HEATR5B: variants seen among roughly 807,000 people sequenced by gnomAD.
HEATR5B encodes the protein HEAT repeat-containing protein 5B.
In HEATR5B, 156 loss-of-function variants were observed where a neutral mutation model predicts 224.1. That is an observed-to-expected ratio of 0.70 (90% confidence interval 0.61 to 0.80). The LOEUF (loss-of-function observed/expected upper bound fraction) is 0.80. Ranked by LOEUF, HEATR5B falls within the 30% of genes least tolerant of loss-of-function variation. The pLI is 0.00. For synonymous variants in HEATR5B, 1,027 were observed against 893.0 expected (o/e 1.15, Z -2.68); for missense variants, 2,323 against 2,535.5 (o/e 0.92, Z 1.80).
At chr2:36,997,858 G>A (rs540036774) in intron 33 of HEATR5B, among the ~76,000 whole-genome samples, 16 of 151,750 alleles carry the variant, frequency 1.1e-4, no homozygotes, top group South Asian at 6.3e-4. Context: ...GAGCCACCAC[G>A]CCGACCAGTC....
chr2:37,005,674 C>T lies in HEATR5B; in HGVS notation c.4863G>A (p.Leu1621=), dbSNP rs1422710812. The part of the protein sequence containing the change: ...VTACLQALHT[L]LDSPYARVHI... ...GGACTCGAGCATAAGGGGAGTCTAG[C>T]AAGGTATGTAAGGCCTGCAGGCATG... The change falls in exon 30 of 36, where the codon TTG becomes TTA. Residue 1621 remains leucine, a synonymous_variant. Transcript: ENST00000233099. The T allele has an allele frequency of 1.2e-6, 2 of 1,613,472 alleles. No homozygotes were observed. Among genetic ancestry groups the T allele is most frequent in the South Asian group, 2.2e-5 (2 of 91,074 alleles).
At chr2:37,040,861 G>A (rs1299752407) in intron 19 of HEATR5B, among the ~76,000 whole-genome samples, 4 of 150,112 alleles carry the variant, frequency 2.7e-5, no homozygotes, top group Admixed American at 6.6e-5. Flanking sequence ...CAAATCTAAA[G>A]AAATAAAAAA....
At chr2:37,041,742 C>G (rs2148500983) in intron 18 of HEATR5B, among the ~76,000 whole-genome samples, 1 of 148,718 alleles carries the variant, frequency 6.7e-6, no homozygotes, top group South Asian at 2.2e-4. Context: ...AGGACCCTGT[C>G]TCAATAATAA....
chr2:37,036,216 G>A (rs1315335781), intron 21 of HEATR5B, among the ~76,000 whole-genome samples: 1 of 152,104 alleles, frequency 6.6e-6, no homozygotes, highest in Non-Finnish European at 1.5e-5. Flanking sequence ...ACCTTCTAAT[G>A]GTTTCCCACT....
intron 35 of HEATR5B, among the ~76,000 whole-genome samples, chr2:36,986,513 T>A (rs1375286604): frequency 6.6e-6 from 1 of 152,210 alleles, no homozygotes; most frequent in Non-Finnish European, 1.5e-5. Flanking sequence ...ACTTTTCCAA[T>A]TTTCTGTGAA....
At position 37,043,933 on chromosome 2, in the gene HEATR5B, A is replaced by G. The variant is rs530952303; in HGVS notation, c.2697-2641T>C. Reference sequence around the variant, plus strand: ...GTGAAATTATTTTTTTTAAATAGAAATGAAGGTTTTAGAGTCCAGGCTGGT... The same window carrying G: ...GTGAAATTATTTTTTTTAAATAGAAGTGAAGGTTTTAGAGTCCAGGCTGGT... On this transcript the variant is annotated intron_variant, in intron 18 of 35. Transcript: ENST00000233099. 1.2e-4 allele frequency among the ~76,000 whole-genome samples: 19 copies of G among 152,342 alleles called. No homozygotes were observed. The East Asian group carries it at 3.3e-3, about 26-fold the overall frequency.
chr2:37,061,820 C>A, intron 11 of HEATR5B, 119 bp downstream of exon 11: 1 of 607,836 alleles, frequency 1.6e-6, no homozygotes, highest in Non-Finnish European at 2.9e-6. Flanking sequence ...ATCTTTACAC[C>A]ATTTTTACAA....
chr2:37,009,427 G>T (rs936808508), intron 27 of HEATR5B, among the ~76,000 whole-genome samples: 23 of 150,586 alleles, frequency 1.5e-4, no homozygotes, highest in Admixed American at 8.6e-4. Context: ...TAACAAAAAT[G>T]CTAGCCAGGC....
chr2:37,008,690 A>G lies in HEATR5B; in HGVS notation c.4443T>C (p.Ser1481=). The G allele has an allele frequency of 6.2e-7, 1 of 1,614,146 alleles. No homozygotes were observed. The highest frequency in any genetic ancestry group is 8.5e-7 in the Non-Finnish European group (1 of 1,180,034). The change falls in exon 28 of 36, where the codon AGT becomes AGC. Residue 1481 remains serine (S), a synonymous_variant. Transcript: ENST00000233099. ...CTTTTAATGCTGCTAACCACAGGCG[A>G]CTGAGTGTTGGTAGTTCAGGTTGTA... The part of the protein sequence containing the change: ...TLVQPELPTL[S]RLWLAALKDY...
chr2:36,990,708 C>A lies in HEATR5B; in HGVS notation c.5637G>T (p.Gln1879His). The part of the protein sequence containing the change: ...WSASNEIIGV[Q>H]SLQNGCMNRF... The stretch of plus-strand genomic sequence containing the variant: ...TGTTCATGCAGCCATTCTGTAATGA[C>A]TGGACTCCTATTATTTCATTACTAG... Residue 1879 changes from glutamine to histidine, a missense_variant, in exon 34 of 36, where the codon CAG (glutamine) becomes CAT (histidine). Transcript: ENST00000233099. 6.2e-7 allele frequency: 1 copy of A among 1,611,760 alleles called. No homozygotes were observed. Among genetic ancestry groups the A allele is most frequent in the Non-Finnish European group, 8.5e-7 (1 of 1,178,862 alleles).
intron 21 of HEATR5B, among the ~76,000 whole-genome samples, chr2:37,034,462 A>C (rs1265066514): frequency 2.1e-4 from 30 of 143,960 alleles, no homozygotes; most frequent in Non-Finnish European, 4.6e-5. Flanking sequence ...AAATACAAAA[A>C]ATTAGCCGGG....
At chr2:37,034,923 T>C (rs548736497) in intron 21 of HEATR5B, among the ~76,000 whole-genome samples, 5 of 152,190 alleles carry the variant, frequency 3.3e-5, no homozygotes, top group Non-Finnish European at 5.9e-5. Flanking sequence ...AAATACTCCA[T>C]AACTAATTAC....
intron 21 of HEATR5B, among the ~76,000 whole-genome samples, chr2:37,034,840 G>T (rs138823182): frequency 2.8e-3 from 429 of 152,038 alleles, no homozygotes; most frequent in Non-Finnish European, 4.5e-3. Flanking sequence ...TTACAGGTGT[G>T]AGCCACCGCA....
rs1671112027 is a variant in HEATR5B at position 37,059,395 on chromosome 2, T to A, written c.1850-408A>T. 2.2e-5 allele frequency among the ~76,000 whole-genome samples: 3 copies of A among 139,356 alleles called. No individual in the cohort carries two copies. In the South Asian group the frequency reaches 7.3e-4, roughly 34 times the overall value. The allele number at this position is 139,356 out of a possible 152,430, so 91.4% of individuals were successfully genotyped here. On this transcript the variant is annotated intron_variant, in intron 12 of 35. Transcript: ENST00000233099. ...AATATATTTTTGCAACTTTTACAGA[T>A]ATATATGTATATGTGTGTGTGTGTG...
chr2:37,056,720 C>T, intron 15 of HEATR5B, 105 bp from the exon 16 acceptor site: 2 of 913,498 alleles, frequency 2.2e-6, no homozygotes, highest in Non-Finnish European at 3.1e-6. Context: ...GAAAAGGCAA[C>T]AAAAAAAGAA....
intron 18 of HEATR5B, among the ~76,000 whole-genome samples, chr2:37,046,220 T>C (rs1459400520): frequency 6.6e-6 from 1 of 152,170 alleles, no homozygotes; most frequent in Non-Finnish European, 1.5e-5. Flanking sequence ...CAGAACAAAA[T>C]ACTACTAGGA....
At chr2:37,073,925 A>G (rs549935007) in intron 5 of HEATR5B, among the ~76,000 whole-genome samples, 30 of 152,354 alleles carry the variant, frequency 2.0e-4, no homozygotes, top group African/African-American at 6.7e-4. Flanking sequence ...GATCAATGAA[A>G]CAGCACAGAG....
Position 37,026,169 on chromosome 2 carries a change from C to T in HEATR5B, c.3853+1754G>A, listed in dbSNP as rs77386767. Reference sequence around the variant, plus strand: ...CTGAAGAAGCATCAGAGAGATTTAACGCTGCTGGCTTTGAAGAGAGAGAGG... The same window carrying T: ...CTGAAGAAGCATCAGAGAGATTTAATGCTGCTGGCTTTGAAGAGAGAGAGG... On this transcript the variant is annotated intron_variant, in intron 24 of 35. Transcript: ENST00000233099. Among the ~76,000 whole-genome samples the T allele has an allele frequency of 5.8e-3, 881 of 152,234 alleles. 5 individuals are homozygous for T. Among genetic ancestry groups the T allele is most frequent in the African/African-American group, 0.015 (623 of 41,534 alleles).
intron 34 of HEATR5B, among the ~76,000 whole-genome samples, chr2:36,989,648 A>T (rs1666185698): frequency 6.6e-6 from 1 of 152,186 alleles, no homozygotes. Context: ...TCCACTTTGT[A>T]TTAGAAAGGC....
Sources: gnomAD v4.1 joint callset for allele counts (sites outside exome capture counted in the v4.1 genomes callset) on GRCh38, gnomAD v4.1.1 for gene constraint, MANE v1.5 for transcripts, NCBI Gene and HGNC (gene_info 2026-07-23, HGNC 2026-07-21) for gene names.